The following ICAM5 variants were observed in gnomAD, a reference collection of about 807,000 sequenced individuals.
The protein encoded by ICAM5 is ICAM-5.
ICAM5 carries 38 observed loss-of-function variants against 78.8 expected under a neutral mutation model. That is an observed-to-expected ratio of 0.48 (90% CI 0.37 to 0.63). The LOEUF (loss-of-function observed/expected upper bound fraction) is 0.63. ICAM5 is among the 30% of genes least tolerant of loss of function. The pLI is 0.00. For synonymous variants in ICAM5, 544 were observed against 590.9 expected (o/e 0.92, Z 1.15); for missense variants, 1,059 against 1,303.0 (o/e 0.81, Z 2.88).
At chr19:10,291,912 G>A (rs1915927548) in intron 3 of ICAM5, 103 bp downstream of exon 3, 2 of 1,485,274 alleles carry the variant, frequency 1.3e-6, no homozygotes, top group Non-Finnish European at 1.8e-6. Context: ...TTCAACCCTC[G>A]CCGGCTGAGC....
rs1454303760 is a variant in ICAM5, at chr19:10,295,436, G to A, written c.2321G>A (p.Trp774Ter). The part of the protein sequence containing the change: ...NFTLTCRAEA[W>*]PPAQISWRAP... ...ACGTTGACCTGCCGCGCGGAGGCCT[G>A]GCCTCCAGCCCAGATCAGCTGGCGC... The change falls in exon 10 of 11, where the codon TGG (tryptophan) becomes TAG (stop). Residue 774 changes from tryptophan (W) to a stop codon, truncating the protein, a stop_gained. Coordinates refer to ENST00000221980, the MANE Select transcript of ICAM5 (RefSeq NM_003259.4). LOFTEE classifies it high-confidence loss of function. 1 of 1,608,468 alleles carries A rather than the reference G, an allele frequency of 6.2e-7. No homozygotes were observed. The highest frequency in any genetic ancestry group is 1.3e-5 in the African/African-American group (1 of 74,828).
rs778527355 is a variant in ICAM5, at chr19:10,295,333, C to T, written c.2231-13C>T. 3 of 1,523,328 alleles carry T rather than the reference C, an allele frequency of 2.0e-6. No individual in the cohort carries two copies. The South Asian group carries it at 3.8e-5, about 19-fold the overall frequency. 94.4% of individuals were successfully genotyped at this position (1,523,328 alleles called of 1,614,324 possible). ...CCGGCGCTAAGCCCCACTTCACCTT[C>T]TGTGCCCTTCAGACCGGCCAGTGGT... is the stretch of plus-strand genomic sequence containing the variant. On this transcript the variant is annotated splice_polypyrimidine_tract_variant and intron_variant, in intron 9 of 10. Transcript: ENST00000221980.
rs201752473 is a variant in ICAM5, at chr19:10,291,493, A to G, written c.357A>G (p.Arg119=). ...QARGLIRTFQ[R]PDRVELMPLP... ...GCGGACTCTTCCCCCTTGCAGAGCG[A>G]CCAGATCGCGTAGAGCTGATGCCGC... The change falls in exon 3 of 11, where the codon CGA becomes CGG. Residue 119 remains arginine (R), a synonymous_variant. Transcript: ENST00000221980. 348 of 1,612,272 alleles carry G rather than the reference A, an allele frequency of 2.2e-4. No individual in the cohort carries two copies. Among genetic ancestry groups the G allele is most frequent in the Non-Finnish European group, 2.8e-4 (332 of 1,179,886 alleles).
In ICAM5 at chr19:10,292,155, C is replaced by T; in HGVS notation, c.794C>T (p.Ala265Val). Residue 265 changes from alanine to valine, a missense_variant, in exon 4 of 11, where the codon GCA becomes GTA. Ala to Val is a moderately conservative substitution (Grantham distance 64). Coordinates refer to ENST00000221980, the MANE Select transcript of ICAM5 (RefSeq NM_003259.4). Reference sequence around the variant, plus strand: ...GCCTCAGAGGCCAGGGTCTACCTCGCACTGGGGGACCAGAATCTGAGTCCT... The same window carrying T: ...GCCTCAGAGGCCAGGGTCTACCTCGTACTGGGGGACCAGAATCTGAGTCCT... ...FPASEARVYL[A>V]LGDQNLSPDV... 1 of 1,613,410 alleles carries T rather than the reference C, an allele frequency of 6.2e-7. No individual in the cohort carries two copies. The highest frequency in any genetic ancestry group is 1.1e-5 in the South Asian group (1 of 91,088).
At position 10,291,019 on chromosome 19, in the gene ICAM5, C is replaced by G. The variant is rs986282463; in HGVS notation, c.83-53C>G. 1.1e-5 allele frequency: 17 copies of G among 1,549,886 alleles called. No homozygotes were observed. The African/African-American group carries it at 2.2e-4, about 20-fold the overall frequency. ...GAACCCTTGACTCGACATAGGGGCGCTAAGATGTCAGGGAGTTGGCTCCCC... is the reference window on the plus strand; with the variant it reads ...GAACCCTTGACTCGACATAGGGGCGGTAAGATGTCAGGGAGTTGGCTCCCC... On this transcript the variant is annotated intron_variant, in intron 1 of 10. Transcript: ENST00000221980.
At position 10,290,450 on chromosome 19, in the gene ICAM5, C is replaced by T. The variant is rs2145026489; in HGVS notation, c.82+325C>T. The T allele has an allele frequency of 3.3e-6, 1 of 299,674 alleles. No individual in the cohort carries two copies. 18.6% of individuals were successfully genotyped at this position (299,674 alleles called of 1,614,324 possible). A position where few individuals can be genotyped will look rare whatever the true frequency, so the allele number is the denominator to read the frequency against. ...CTGTGCACCATGGTCCACGGACTGGCATCTTCCCCACTCGCGGTCCGCGAA... is the reference window on the plus strand; with the variant it reads ...CTGTGCACCATGGTCCACGGACTGGTATCTTCCCCACTCGCGGTCCGCGAA... On this transcript the variant is annotated intron_variant, in intron 1 of 10. Coordinates refer to ENST00000221980, the MANE Select transcript of ICAM5 (RefSeq NM_003259.4). This position sits in a 1 kb window ranked among gnomAD's most constrained non-coding sequence, Gnocchi z 5.7.
At chr19:10,291,857 G>A (rs754057362) in intron 3 of ICAM5, 48 bp downstream of exon 3, 25 of 1,571,360 alleles carry the variant, frequency 1.6e-5, no homozygotes, top group Admixed American at 1.8e-5. Flanking sequence ...GTCGGTCGGT[G>A]TTTAGGAGGT....
chr19:10,294,768 G>A lies in ICAM5; in HGVS notation c.2230+128G>A. 7.0e-7 allele frequency: 1 copy of A among 1,434,312 alleles called. No individual in the cohort carries two copies. The highest frequency in any genetic ancestry group is 1.4e-5 in the African/African-American group (1 of 69,734). 88.8% of individuals were successfully genotyped at this position (1,434,312 alleles called of 1,614,324 possible). A position where few individuals can be genotyped will look rare whatever the true frequency, so the allele number is the denominator to read the frequency against. Reference sequence around the variant, plus strand: ...ACAGGGAATTCCAGCCTAAACCAGGGGGTAATGAAAATTCTAGCCAGGCGC... The same window carrying A: ...ACAGGGAATTCCAGCCTAAACCAGGAGGTAATGAAAATTCTAGCCAGGCGC... On this transcript the variant is annotated intron_variant, in intron 9 of 10. Coordinates refer to ENST00000221980, the MANE Select transcript of ICAM5 (RefSeq NM_003259.4). This position sits in a 1 kb window ranked among gnomAD's most constrained non-coding sequence, Gnocchi z 7.7.
At position 10,294,053 on chromosome 19, in the gene ICAM5, T is replaced by C. The variant is rs1224418807; in HGVS notation, c.1725T>C (p.Phe575=). 6 of 1,580,966 alleles carry C rather than the reference T, an allele frequency of 3.8e-6. No homozygotes were observed. ...CCTGTTTCCCAGATGGCCCCAGGTT[T>C]GAGGAGCCGAGCTGCCCCAGCAATT... The part of the protein sequence containing the change: ...VAVTVEYGPR[F]EEPSCPSNWT... Residue 575 remains phenylalanine (F), a synonymous_variant, in exon 8 of 11, where the codon TTT becomes TTC. Transcript: ENST00000221980. This position sits in a 1 kb window ranked among gnomAD's most constrained non-coding sequence, Gnocchi z 7.7.
rs1315411634 is a variant in ICAM5 at position 10,296,722 on chromosome 19, C to G, written c.*106C>G. On this transcript the variant is annotated 3_prime_UTR_variant, in exon 11 of 11. Coordinates refer to ENST00000221980, the MANE Select transcript of ICAM5 (RefSeq NM_003259.4). ...TATTCATTTATTTATGTATTCAACT[C>G]CAAGGGCGTCACCCCCATTTTCTAC... The G allele has an allele frequency of 1.0e-6, 1 of 997,320 alleles. No individual in the cohort carries two copies. Among genetic ancestry groups the G allele is most frequent in the South Asian group, 5.0e-5 (1 of 19,948 alleles). 61.8% of individuals were successfully genotyped at this position (997,320 alleles called of 1,614,324 possible).
At chr19:10,291,893 G>T in intron 3 of ICAM5, 84 bp downstream of exon 3, 1 of 1,508,284 alleles carries the variant, frequency 6.6e-7, no homozygotes, top group South Asian at 1.2e-5. Context: ...TCTGAATGCT[G>T]ACCCCGACTT....
intron 4 of ICAM5, 57 bp from the exon 5 acceptor site, chr19:10,292,555 C>A (rs747938400): frequency 5.1e-5 from 77 of 1,516,336 alleles, no homozygotes; most frequent in Non-Finnish European, 6.3e-5. Flanking sequence ...AAGGGGCGGG[C>A]CTTGACCGGA....
rs1334321526 is a variant in ICAM5, at chr19:10,292,154, G to T, written c.793G>T (p.Ala265Ser). 5 of 1,613,368 alleles carry T rather than the reference G, an allele frequency of 3.1e-6. No individual in the cohort carries two copies. The Admixed American group carries it at 5.0e-5, about 16-fold the overall frequency. The change falls in exon 4 of 11, where the codon GCA becomes TCA. Residue 265 changes from alanine (A) to serine (S), a missense_variant. Around this residue, in one of 3 missense-constraint regions of ICAM5, gnomAD observed 815 missense variants for 952.8 expected, o/e 0.86. Transcript: ENST00000221980. ...AGCCTCAGAGGCCAGGGTCTACCTC[G>T]CACTGGGGGACCAGAATCTGAGTCC... ...FPASEARVYL[A>S]LGDQNLSPDV...
chr19:10,293,855 T>C lies in ICAM5; in HGVS notation c.1623T>C (p.Arg541=), dbSNP rs2145030212. ...GGGCCGTCATCGAGGGGCTGTTGCG[T>C]GTGGCCCGGGAGCATGCGGGCACTT... ...ELGAVIEGLL[R]VAREHAGTYR... The change falls in exon 7 of 11, where the codon CGT becomes CGC. Residue 541 remains arginine, a synonymous_variant. Transcript: ENST00000221980. The surrounding 1 kb of genome is among the most constrained non-coding windows in gnomAD (Gnocchi z 5.0). 6.2e-7 allele frequency: 1 copy of C among 1,612,292 alleles called. No individual in the cohort carries two copies. The highest frequency in any genetic ancestry group is 8.5e-7 in the Non-Finnish European group (1 of 1,180,000).
chr19:10,292,563 G>C, intron 4 of ICAM5, 49 bp from the exon 5 acceptor site: 2 of 1,518,458 alleles, frequency 1.3e-6, no homozygotes, highest in Non-Finnish European at 1.8e-6. Flanking sequence ...GGCCTTGACC[G>C]GAGGGAGGGG....
chr19:10,296,573 C>G lies in ICAM5; in HGVS notation c.2732C>G (p.Pro911Arg). The G allele has an allele frequency of 2.5e-6, 3 of 1,217,864 alleles. No individual in the cohort carries two copies. The highest frequency in any genetic ancestry group is 3.2e-5 in the African/African-American group (2 of 63,348). The allele number at this position is 1,217,864 out of a possible 1,614,324, so 75.4% of individuals were successfully genotyped here. Reference sequence around the variant, plus strand: ...GCGGCGGGGGGCGCGGCCGAGTCGCCGGCGGAGGGCGAGGTCTTCGCCATA... The same window carrying G: ...GCGGCGGGGGGCGCGGCCGAGTCGCGGGCGGAGGGCGAGGTCTTCGCCATA... Reference protein sequence around the residue: ...PEAAGGAAESPAEGEVFAIQL... With the variant: ...PEAAGGAAESRAEGEVFAIQL... The change falls in exon 11 of 11, where the codon CCG becomes CGG. Residue 911 changes from proline (P) to arginine (R), a missense_variant. This residue lies in a region of ICAM5 where 109 missense variants were observed against 120.0 expected (regional missense o/e 0.91). Transcript: ENST00000221980.
chr19:10,292,828 C>A lies in ICAM5; in HGVS notation c.1178C>A (p.Thr393Asn), dbSNP rs1453894427. ...CDATLDVDGE[T>N]LIKNRSAELR... ...GCCACCCTCGATGTGGACGGGGAGA[C>A]CCTGATCAAGAACAGGAGCGCAGAG... Residue 393 changes from threonine (T) to asparagine (N), a missense_variant, in exon 5 of 11, where the codon ACC (threonine) becomes AAC (asparagine). Coordinates refer to ENST00000221980, the MANE Select transcript of ICAM5 (RefSeq NM_003259.4). 6.2e-7 allele frequency: 1 copy of A among 1,613,172 alleles called. No individual in the cohort carries two copies. The highest frequency in any genetic ancestry group is 1.1e-5 in the South Asian group (1 of 91,074).
chr19:10,290,912 T>G lies in ICAM5; in HGVS notation c.83-160T>G. ...GGTTTAGACTCTGGGAGTGCGCCTT[T>G]AAACCGGAGGCCTGGGCAGGACGCG... On this transcript the variant is annotated intron_variant, in intron 1 of 10. Transcript: ENST00000221980. The surrounding 1 kb of genome is among the most constrained non-coding windows in gnomAD (Gnocchi z 5.7). 1 of 921,178 alleles carries G rather than the reference T, an allele frequency of 1.1e-6. No individual in the cohort carries two copies. Among genetic ancestry groups the G allele is most frequent in the Non-Finnish European group, 1.6e-6 (1 of 626,920 alleles). 57.1% of individuals were successfully genotyped at this position (921,178 alleles called of 1,614,324 possible).
chr19:10,295,205 G>T, intron 9 of ICAM5, 141 bp from the exon 10 acceptor site: 1 of 937,056 alleles, frequency 1.1e-6, no homozygotes, highest in East Asian at 2.9e-5. Flanking sequence ...TGTCGGGGAA[G>T]GAGGCTCTGA....
Sources: gnomAD v4.1 joint callset for allele counts on GRCh38, gnomAD v4.1.1 for gene constraint, gnomAD v4.1.1 regional missense constraint, Gnocchi (gnomAD v3.1) non-coding constraint, MANE v1.5 for transcripts, NCBI Gene and HGNC (gene_info 2026-07-23, HGNC 2026-07-21) for gene names.